The following XPO5 variants were observed in gnomAD, a reference collection of about 807,000 sequenced individuals.
XPO5 encodes exportin 5.
XPO5 carries 46 observed loss-of-function variants against 160.6 expected under a neutral mutation model. That is an observed-to-expected ratio of 0.29 (90% confidence interval 0.23 to 0.37). XPO5 has a LOEUF of 0.37. Ranked by LOEUF, XPO5 falls within the 10% of genes least tolerant of loss-of-function variation. XPO5 has a pLI of 1.00. For synonymous variants in XPO5, 537 were observed against 519.3 expected (o/e 1.03, Z -0.46); for missense variants, 1,090 against 1,463.9 (o/e 0.74, Z 4.17).
chr6:43,569,970 G>GAGGTGGA (rs148933953), intron 5 of XPO5, among the ~76,000 whole-genome samples: 12,538 of 146,458 alleles, frequency 0.086, 1,119 homozygotes, highest in African/African-American at 0.22. Context: ...GTAATCCCAG[G>GAGGTGGA]AGGTGGAGGC....
In XPO5 at chr6:43,565,650, A is replaced by C. The variant is rs777290372; in HGVS notation, c.911+10T>G. The C allele has an allele frequency of 3.1e-5, 49 of 1,584,362 alleles. 1 individual carries two copies. The Admixed American group carries it at 7.8e-4, about 25-fold the overall frequency. ...AATTAGAAAACACACTGAAAAGTAA[A>C]GATACTCACTGTGCGGCGGAGAGTA... On this transcript the variant is annotated intron_variant, in intron 8 of 31. Coordinates refer to ENST00000265351, the MANE Select transcript of XPO5 (RefSeq NM_020750.3).
chr6:43,544,933 C>T (rs1285247334), intron 20 of XPO5, among the ~76,000 whole-genome samples: 2 of 152,058 alleles, frequency 1.3e-5, no homozygotes, highest in African/African-American at 2.4e-5. Flanking sequence ...AGTGCAGTGG[C>T]GTGATCTTAG....
chr6:43,543,379 T>C (rs1270939968), intron 20 of XPO5, among the ~76,000 whole-genome samples: 1 of 152,054 alleles, frequency 6.6e-6, no homozygotes, highest in Non-Finnish European at 1.5e-5. Context: ...CTTGAGCCCA[T>C]GAGGTCGAGG....
chr6:43,554,449 G>A (rs1413565136), intron 13 of XPO5, among the ~76,000 whole-genome samples: 1 of 143,716 alleles, frequency 7.0e-6, no homozygotes, highest in Non-Finnish European at 1.5e-5. Context: ...TTTTTGAGAT[G>A]GAGTCCCGCT....
At chr6:43,538,139 CTTTT>C (rs1160662301) in intron 20 of XPO5, among the ~76,000 whole-genome samples, 158 of 48,942 alleles carry the variant, frequency 3.2e-3, no homozygotes, top group African/African-American at 8.6e-3. Context: ...TAAGAGACAT[CTTTT>C]TTTTTTTTTT....
intron 21 of XPO5, 31 bp from the exon 22 acceptor site, chr6:43,531,606 G>A (rs763302730): frequency 1.6e-5 from 25 of 1,575,244 alleles, no homozygotes; most frequent in Non-Finnish European, 2.1e-5. Context: ...AGAACATGAT[G>A]CTCCACTGTC....
Position 43,524,517 on chromosome 6 carries a change from T to G in XPO5, c.3431A>C (p.Lys1144Thr). 1 of 1,613,958 alleles carries G rather than the reference T, an allele frequency of 6.2e-7. No individual in the cohort carries two copies. The highest frequency in any genetic ancestry group is 8.5e-7 in the Non-Finnish European group (1 of 1,179,886). ...LNPSLQKVAD[K>T]RRKDQFKRLI... ...GCGTTTGAATTGGTCCTTTCGGCGCTTGTCAGCCACTTTCTGCAGGGAGGG... is the reference window on the plus strand; with the variant it reads ...GCGTTTGAATTGGTCCTTTCGGCGCGTGTCAGCCACTTTCTGCAGGGAGGG... The change falls in exon 31 of 32, where the codon AAG becomes ACG. Residue 1144 changes from lysine to threonine, a missense_variant. Lys to Thr is a moderately conservative substitution (Grantham distance 78). Transcript: ENST00000265351.
intron 11 of XPO5, among the ~76,000 whole-genome samples, chr6:43,559,548 T>C (rs1239053460): frequency 6.6e-6 from 1 of 152,202 alleles, no homozygotes; most frequent in Non-Finnish European, 1.5e-5. Flanking sequence ...TGCTTAGATA[T>C]TGCCTCCTCT....
At chr6:43,571,024 A>G in intron 3 of XPO5, 30 bp from the exon 4 acceptor site, 1 of 1,592,370 alleles carries the variant, frequency 6.3e-7, no homozygotes, top group Non-Finnish European at 8.5e-7. Context: ...ATTAAGAGAT[A>G]TGCAAGACTG....
chr6:43,548,773 G>A (rs936418384), intron 17 of XPO5, among the ~76,000 whole-genome samples: 2 of 151,064 alleles, frequency 1.3e-5, no homozygotes, highest in Admixed American at 6.6e-5. Context: ...GATAACTGCT[G>A]TGCATTCAGA....
At chr6:43,562,117 C>T (rs974193814) in intron 9 of XPO5, 130 bp downstream of exon 9, 21 of 605,682 alleles carry the variant, frequency 3.5e-5, no homozygotes, top group Non-Finnish European at 5.2e-5. Flanking sequence ...TAGAATCATG[C>T]AATAACTTGT....
At chr6:43,564,237 A>C (rs1226153731) in intron 8 of XPO5, among the ~76,000 whole-genome samples, 1 of 152,184 alleles carries the variant, frequency 6.6e-6, no homozygotes, top group Non-Finnish European at 1.5e-5. Flanking sequence ...AATTTATTTA[A>C]AAAATTTTCC....
intron 21 of XPO5, 65 bp downstream of exon 21, chr6:43,533,842 C>T: frequency 7.8e-7 from 1 of 1,283,958 alleles, no homozygotes; most frequent in South Asian, 1.2e-5. Flanking sequence ...TAAAAAACAA[C>T]AAAAAAAGGG....
At chr6:43,574,720 G>A (rs1763205172) in intron 1 of XPO5, among the ~76,000 whole-genome samples, 2 of 152,136 alleles carry the variant, frequency 1.3e-5, no homozygotes, top group South Asian at 4.1e-4. Flanking sequence ...GATAGGCGGT[G>A]GAAAAAGTAA....
intron 26 of XPO5, 97 bp from the exon 27 acceptor site, chr6:43,526,844 TGAGGAAG>T (rs1793626352): frequency 1.5e-6 from 2 of 1,310,382 alleles, no homozygotes; most frequent in Non-Finnish European, 2.2e-6. Flanking sequence ...TCTGGCCAGG[TGAGGAAG>T]GAGGAAGATG....
At chr6:43,529,769 A>T (rs1400824748) in intron 23 of XPO5, among the ~76,000 whole-genome samples, 1 of 151,328 alleles carries the variant, frequency 6.6e-6, no homozygotes, top group Non-Finnish European at 1.5e-5. Context: ...ATAATAATAA[A>T]AACTAGCTGG....
At position 43,560,202 on chromosome 6, in the gene XPO5, A is replaced by G. The variant is rs1372509958; in HGVS notation, c.1197T>C (p.Arg399=). The change falls in exon 11 of 32, where the codon CGT becomes CGC. Residue 399 remains arginine, a synonymous_variant. Transcript: ENST00000265351. ...LLLAIIPKYL[R]ASMTNLVKMG... Reference sequence around the variant, plus strand: ...CCTTGACCAAGTTAGTCATGGAAGCACGAAGATATTTTGGTATTATTGCTA... The same window carrying G: ...CCTTGACCAAGTTAGTCATGGAAGCGCGAAGATATTTTGGTATTATTGCTA... The G allele has an allele frequency of 6.2e-7, 1 of 1,612,814 alleles. No individual in the cohort carries two copies. Among genetic ancestry groups the G allele is most frequent in the Admixed American group, 1.7e-5 (1 of 59,852 alleles).
At chr6:43,534,511 C>A (rs187768279) in intron 20 of XPO5, among the ~76,000 whole-genome samples, 1 of 152,270 alleles carries the variant, frequency 6.6e-6, no homozygotes, top group Non-Finnish European at 1.5e-5. Flanking sequence ...CCAAAATGAC[C>A]TACCTGAGCA....
intron 20 of XPO5, among the ~76,000 whole-genome samples, chr6:43,535,904 C>G (rs548290672): frequency 4.0e-5 from 6 of 151,738 alleles, no homozygotes; most frequent in Non-Finnish European, 7.4e-5. Flanking sequence ...CGGAGAATCA[C>G]CTGAGGCCAG....
Sources: allele counts gnomAD v4.1 joint callset (sites outside exome capture counted in the v4.1 genomes callset), GRCh38; gene constraint gnomAD v4.1.1; transcripts MANE v1.5; gene names NCBI Gene and HGNC (gene_info 2026-07-23, HGNC 2026-07-21).